CLVS1: variants seen among roughly 807,000 people sequenced by gnomAD.
The protein encoded by CLVS1 is clavesin-1.
A neutral mutation model predicts 33.1 loss-of-function variants in CLVS1; 10 were observed. The observed-to-expected ratio is 0.30, with a 90% CI of 0.19 to 0.51. The LOEUF (loss-of-function observed/expected upper bound fraction) is 0.51, where lower values mean the gene tolerates loss of function less well. CLVS1 is among the 20% of genes least tolerant of loss of function. The pLI is 0.97. For synonymous variants in CLVS1, 163 were observed against 166.1 expected (o/e 0.98, Z 0.14); for missense variants, 343 against 433.4 (o/e 0.79, Z 1.85).
intron 2 of CLVS1, among the ~76,000 whole-genome samples, chr8:61,367,951 C>T (rs141038612): frequency 3.9e-5 from 6 of 152,274 alleles, no homozygotes; most frequent in African/African-American, 1.2e-4. Context: ...GTTGCAGGTA[C>T]TTCAACAGTT....
chr8:61,469,847 C>T (rs1248690102), intron 5 of CLVS1, among the ~76,000 whole-genome samples: 3 of 152,104 alleles, frequency 2.0e-5, no homozygotes, highest in Non-Finnish European at 4.4e-5. Flanking sequence ...ATGAATGATC[C>T]GCAGTCTCCA....
chr8:61,401,708 T>A (rs1190960789), intron 3 of CLVS1, among the ~76,000 whole-genome samples: 2 of 152,188 alleles, frequency 1.3e-5, no homozygotes, highest in African/African-American at 4.8e-5. Flanking sequence ...AAAAAAACTA[T>A]TTTAAAATTC....
At chr8:61,316,170 T>A (rs1304152028) in intron 2 of CLVS1, among the ~76,000 whole-genome samples, 2 of 152,180 alleles carry the variant, frequency 1.3e-5, no homozygotes, top group East Asian at 3.9e-4. Flanking sequence ...ACCCAAAGGA[T>A]TATAAATCAT....
chr8:61,100,681 A>G (rs532024022), intron 1 of CLVS1, among the ~76,000 whole-genome samples: 1 of 152,276 alleles, frequency 6.6e-6, no homozygotes, highest in Non-Finnish European at 1.5e-5. Context: ...TCGTCACCCC[A>G]AGAGGAAACT....
intron 5 of CLVS1, among the ~76,000 whole-genome samples, chr8:61,474,284 A>G (rs1417829164): frequency 2.6e-5 from 4 of 152,176 alleles, no homozygotes; most frequent in Non-Finnish European, 5.9e-5. Context: ...AAGTAAGGTG[A>G]AGATTTAAAG....
intron 2 of CLVS1, among the ~76,000 whole-genome samples, chr8:61,220,050 C>T (rs1021933615): frequency 2.1e-4 from 32 of 151,934 alleles, no homozygotes; most frequent in African/African-American, 9.7e-5. Flanking sequence ...GGATATTAGA[C>T]CTTTGTCAGA....
At chr8:61,085,900 T>G (rs7837161) in intron 1 of CLVS1, among the ~76,000 whole-genome samples, 84,658 of 151,230 alleles carry the variant, frequency 0.56, 26,367 homozygotes, top group African/African-American at 0.84. Flanking sequence ...GGCGGGCGCG[T>G]TGGCGGGCGC....
intron 5 of CLVS1, among the ~76,000 whole-genome samples, chr8:61,470,785 A>C (rs890155080): frequency 6.6e-6 from 1 of 152,210 alleles, no homozygotes; most frequent in African/African-American, 2.4e-5. Flanking sequence ...ATTTCTTTTT[A>C]GGTTTAGGCA....
the CLVS1 span, among the ~76,000 whole-genome samples, chr8:60,999,645 GTA>G: frequency 6.6e-6 from 1 of 152,202 alleles, no homozygotes; most frequent in African/African-American, 2.4e-5. Flanking sequence ...TAAGTAAGCA[GTA>G]TAAAACAGAA....
chr8:61,333,458 A>G (rs1455361881), intron 2 of CLVS1, among the ~76,000 whole-genome samples: 4 of 152,220 alleles, frequency 2.6e-5, no homozygotes, highest in Non-Finnish European at 5.9e-5. Context: ...AAACAGAAAG[A>G]AAAGTCTGGG....
At chr8:61,485,183 G>A (rs565222976) in intron 5 of CLVS1, among the ~76,000 whole-genome samples, 81 of 152,138 alleles carry the variant, frequency 5.3e-4, no homozygotes, top group African/African-American at 9.2e-4. Flanking sequence ...GAAAATTTTC[G>A]CAACCTACTC....
intron 5 of CLVS1, among the ~76,000 whole-genome samples, chr8:61,498,551 T>C (rs1053899180): frequency 1.3e-5 from 2 of 152,232 alleles, no homozygotes; most frequent in African/African-American, 4.8e-5. Flanking sequence ...AGCTGGAAAA[T>C]AATTTGGTTT....
intron 2 of CLVS1, among the ~76,000 whole-genome samples, chr8:61,251,595 G>T (rs1808950490): frequency 6.6e-6 from 1 of 152,118 alleles, no homozygotes; most frequent in African/African-American, 2.4e-5. Context: ...TTCAGAACTT[G>T]TTATAGGTCT....
At chr8:61,254,776 G>C (rs1026367366) in intron 2 of CLVS1, among the ~76,000 whole-genome samples, 2 of 152,182 alleles carry the variant, frequency 1.3e-5, no homozygotes, top group African/African-American at 4.8e-5. Flanking sequence ...GAAAAGTGCA[G>C]TATTAGGGTG....
intron 5 of CLVS1, among the ~76,000 whole-genome samples, chr8:61,464,039 T>C (rs1817462485): frequency 7.2e-6 from 1 of 139,022 alleles, no homozygotes; most frequent in Non-Finnish European, 1.5e-5. Flanking sequence ...ATCACGCCAC[T>C]GACTGCACTA....
chr8:61,425,747 C>T (rs953767024), intron 3 of CLVS1, among the ~76,000 whole-genome samples: 10 of 152,202 alleles, frequency 6.6e-5, no homozygotes, highest in Non-Finnish European at 1.3e-4. Context: ...ATGCCACTCA[C>T]TTACTCATTA....
chr8:61,240,030 A>G (rs963880636), intron 2 of CLVS1, among the ~76,000 whole-genome samples: 10 of 152,316 alleles, frequency 6.6e-5, no homozygotes, highest in Admixed American at 4.6e-4. Context: ...CTCACTTCTT[A>G]TACAACTGGG....
intron 2 of CLVS1, among the ~76,000 whole-genome samples, chr8:61,263,845 G>C (rs1250796865): frequency 6.6e-6 from 1 of 152,188 alleles, no homozygotes; most frequent in African/African-American, 2.4e-5. Flanking sequence ...TGGTTATGAA[G>C]ATCAAATGAG....
the CLVS1 span, among the ~76,000 whole-genome samples, chr8:61,036,096 C>T: frequency 3.9e-5 from 6 of 152,184 alleles, no homozygotes; most frequent in African/African-American, 1.4e-4. Flanking sequence ...GCTCCTGTAG[C>T]ATTAAAGCAT....
Sources: allele counts gnomAD v4.1 joint callset (sites outside exome capture counted in the v4.1 genomes callset), GRCh38; gene constraint gnomAD v4.1.1; transcripts MANE v1.5; gene names NCBI Gene and HGNC (gene_info 2026-07-23, HGNC 2026-07-21).